Variants in TRIP4 observed in about 807,000 individuals in gnomAD.
TRIP4 encodes the protein thyroid hormone receptor interactor 4, also known as activating signal cointegrator 1.
TRIP4 carries 54 observed loss-of-function variants against 81.8 expected under a neutral mutation model. The observed-to-expected ratio is 0.66, with a 90% CI of 0.53 to 0.83. The LOEUF (loss-of-function observed/expected upper bound fraction) is 0.83. Ranked by LOEUF, TRIP4 falls within the 40% of genes least tolerant of loss-of-function variation. The pLI is 0.00. For missense variants in TRIP4, 662 were observed against 683.6 expected (o/e 0.97, Z 0.35); for synonymous variants, 270 against 242.8 (o/e 1.11, Z -1.04).
At chr15:64,400,081 G>T (rs1891455379) in intron 4 of TRIP4, among the ~76,000 whole-genome samples, 1 of 150,656 alleles carries the variant, frequency 6.6e-6, no homozygotes, top group Non-Finnish European at 1.5e-5. Flanking sequence ...ACCATAAAAA[G>T]CAACCCAGTT....
intron 12 of TRIP4, among the ~76,000 whole-genome samples, chr15:64,453,753 CAAAG>C (rs924051522): frequency 3.3e-5 from 5 of 152,154 alleles, no homozygotes; most frequent in African/African-American, 1.2e-4. Flanking sequence ...GATAAACAGA[CAAAG>C]AGAGATATAC....
rs148863631 is a variant in TRIP4, at chr15:64,453,000, C to T, written c.1679-1997C>T. Among the ~76,000 whole-genome samples the T allele has an allele frequency of 4.4e-3, 673 of 152,148 alleles. 2 individuals are homozygous for T. Among genetic ancestry groups the T allele is most frequent in the African/African-American group, 0.015 (629 of 41,518 alleles). On this transcript the variant is annotated intron_variant, in intron 12 of 12. Coordinates refer to ENST00000261884, the MANE Select transcript of TRIP4 (RefSeq NM_016213.5). ...AGGAGTTCAAGACCAACTTGGCCAA[C>T]GTGGTGAAACCCTATCTCTACCAAA...
intron 11 of TRIP4, among the ~76,000 whole-genome samples, chr15:64,431,439 C>T: frequency 6.6e-6 from 1 of 152,086 alleles, no homozygotes; most frequent in East Asian, 1.9e-4. Flanking sequence ...CACGGTGGCT[C>T]ACGCCTGTAA....
At chr15:64,447,625 C>G (rs978710220) in intron 12 of TRIP4, among the ~76,000 whole-genome samples, 2 of 152,200 alleles carry the variant, frequency 1.3e-5, no homozygotes, top group African/African-American at 2.4e-5. Context: ...AACCAAGTTG[C>G]CCTTAACTGA....
intron 11 of TRIP4, among the ~76,000 whole-genome samples, chr15:64,442,388 A>C (rs2140311595): frequency 6.6e-6 from 1 of 152,200 alleles, no homozygotes; most frequent in East Asian, 1.9e-4. Context: ...CTTTTCTTTG[A>C]GACAGGGTCT....
At chr15:64,401,885 A>T (rs1347384279) in intron 5 of TRIP4, among the ~76,000 whole-genome samples, 1 of 152,198 alleles carries the variant, frequency 6.6e-6, no homozygotes, top group Non-Finnish European at 1.5e-5. Flanking sequence ...AGAACAAGAG[A>T]TTTACAATGT....
At chr15:64,403,175 T>C (rs1215898792) in intron 5 of TRIP4, among the ~76,000 whole-genome samples, 1 of 136,640 alleles carries the variant, frequency 7.3e-6, no homozygotes, top group East Asian at 2.2e-4. Context: ...TAATTTTTTT[T>C]AGACGGAGTC....
intron 5 of TRIP4, 36 bp from the exon 6 acceptor site, chr15:64,406,294 A>T (rs1272324554): frequency 1.9e-6 from 3 of 1,606,882 alleles, no homozygotes; most frequent in Non-Finnish European, 2.5e-6. Flanking sequence ...TTGTATTTAG[A>T]GGCTGACACC....
intron 12 of TRIP4, among the ~76,000 whole-genome samples, chr15:64,451,166 G>T (rs1168340388): frequency 6.6e-6 from 1 of 151,992 alleles, no homozygotes; most frequent in Non-Finnish European, 1.5e-5. Context: ...AGGCTGGCAT[G>T]CACTGGTGAG....
chr15:64,391,679 C>T (rs890664305), intron 1 of TRIP4, among the ~76,000 whole-genome samples: 1 of 151,810 alleles, frequency 6.6e-6, no homozygotes, highest in Non-Finnish European at 1.5e-5. Context: ...TTGAAAAATA[C>T]TCCAGGGTTG....
At chr15:64,453,932 T>C (rs1892826596) in intron 12 of TRIP4, among the ~76,000 whole-genome samples, 1 of 152,202 alleles carries the variant, frequency 6.6e-6, no homozygotes. Context: ...ATGACTCGCC[T>C]AGGTCACACA....
intron 12 of TRIP4, chr15:64,450,687 G>T (rs922561376): frequency 6.6e-6 from 3 of 455,788 alleles, no homozygotes; most frequent in African/African-American, 2.0e-5. Flanking sequence ...ATGAAAGAAC[G>T]TCTGAATTCC....
intron 11 of TRIP4, among the ~76,000 whole-genome samples, chr15:64,434,060 G>T (rs539352768): frequency 2.0e-5 from 3 of 152,158 alleles, no homozygotes; most frequent in African/African-American, 4.8e-5. Context: ...ATGAAATGGG[G>T]AGTCTCTCTG....
chr15:64,420,155 CTT>C (rs1447261303), intron 9 of TRIP4, among the ~76,000 whole-genome samples: 1 of 141,248 alleles, frequency 7.1e-6, no homozygotes, highest in African/African-American at 2.6e-5. Flanking sequence ...AAGTTTTGCT[CTT>C]GTTTCCCAGG....
At chr15:64,420,202 A>T (rs536899910) in intron 9 of TRIP4, among the ~76,000 whole-genome samples, 1 of 148,492 alleles carries the variant, frequency 6.7e-6, no homozygotes, top group African/African-American at 2.5e-5. Flanking sequence ...GCTCACTGCA[A>T]CCTCCACCTC....
chr15:64,399,987 GAAAGAAAA>G (rs1257389899), intron 4 of TRIP4, among the ~76,000 whole-genome samples: 6 of 148,182 alleles, frequency 4.0e-5, no homozygotes, highest in East Asian at 2.0e-4. Context: ...AAAAAAAAAA[GAAAGAAAA>G]AAAGAAAAAA....
At chr15:64,451,299 G>T (rs1020472935) in intron 12 of TRIP4, among the ~76,000 whole-genome samples, 2 of 151,578 alleles carry the variant, frequency 1.3e-5, no homozygotes, top group African/African-American at 4.9e-5. Context: ...TTTTAGTAGA[G>T]ACGGGGTTTC....
rs948577266 is a variant in TRIP4, at chr15:64,395,051, G to A, written c.272-347G>A. Among the ~76,000 whole-genome samples the A allele has an allele frequency of 3.9e-5, 6 of 152,172 alleles. No individual in the cohort carries two copies. The South Asian group carries it at 1.2e-3, about 32-fold the overall frequency. On this transcript the variant is annotated intron_variant, in intron 2 of 12. Coordinates refer to ENST00000261884, the MANE Select transcript of TRIP4 (RefSeq NM_016213.5). ...TCTAGAGATAGGGTCTCACTCTGTT[G>A]TCCAGGGTGCTCTCAAACTCCTTGG...
intron 2 of TRIP4, among the ~76,000 whole-genome samples, chr15:64,394,575 A>G (rs1179647320): frequency 1.3e-5 from 2 of 149,728 alleles, no homozygotes; most frequent in East Asian, 3.9e-4. Context: ...ACTGCACTCC[A>G]GCCTGGGCGA....
Sources: allele counts gnomAD v4.1 joint callset (sites outside exome capture counted in the v4.1 genomes callset), GRCh38; gene constraint gnomAD v4.1.1; transcripts MANE v1.5; gene names NCBI Gene and HGNC (gene_info 2026-07-23, HGNC 2026-07-21).